The following PTPRD variants were observed in gnomAD, a reference collection of about 807,000 sequenced individuals.
PTPRD encodes the protein receptor-type tyrosine-protein phosphatase delta.
A neutral mutation model predicts 214.5 loss-of-function variants in PTPRD; 34 were observed. The observed-to-expected ratio is 0.16, with a 90% CI of 0.12 to 0.21. The LOEUF (loss-of-function observed/expected upper bound fraction) is 0.21. Among genes scored for constraint, PTPRD ranks in the 10% least tolerant of loss-of-function variants. The pLI is 1.00. For missense variants in PTPRD, 2,545 were observed against 2,398.7 expected, an observed-to-expected ratio of 1.06 and a Z score of -1.27; for synonymous variants, 1,128 against 845.7, an observed-to-expected ratio of 1.33 and a Z score of -5.79.
chr9:10,105,696 C>T (rs1211993514), intron 3 of PTPRD, among the ~76,000 whole-genome samples: 1 of 151,776 alleles, frequency 6.6e-6, no homozygotes, highest in Non-Finnish European at 1.5e-5. Context: ...GTCTGAATTA[C>T]TAACATGCTA....
rs368387935 is a variant in PTPRD, at chr9:10,285,227, G to C, written c.-545+55736C>G. ...TTATCACTTGCATACGATACTGTAA[G>C]AATACACTTTTTGTAAAACTTAGCA... On this transcript the variant is annotated intron_variant, in intron 3 of 45. Coordinates refer to ENST00000381196, the MANE Select transcript of PTPRD (RefSeq NM_002839.4). Among the ~76,000 whole-genome samples the C allele has an allele frequency of 7.7e-4, 117 of 152,192 alleles. 2 individuals carry two copies. In the South Asian group the frequency reaches 0.021, roughly 28 times the overall value.
rs541451724 is a variant in PTPRD, at chr9:10,117,698, C to G, written c.-544-83908G>C. On this transcript the variant is annotated intron_variant, in intron 3 of 45. Transcript: ENST00000381196. ...GATGATTTCACCTTGAGAAAAGACC[C>G]TATTTTCAGTTAAGGGCATTTTCAC... Among the ~76,000 whole-genome samples the G allele has an allele frequency of 1.4e-3, 217 of 151,018 alleles. 2 individuals are homozygous for G. Among genetic ancestry groups the G allele is most frequent in the Admixed American group, 5.9e-3 (89 of 15,076 alleles).
At chr9:10,077,622 A>C (rs1446928620) in intron 3 of PTPRD, among the ~76,000 whole-genome samples, 1 of 152,014 alleles carries the variant, frequency 6.6e-6, no homozygotes, top group Non-Finnish European at 1.5e-5. Context: ...CCAATAGGTA[A>C]TTTTTCAATC....
intron 7 of PTPRD, among the ~76,000 whole-genome samples, chr9:9,620,758 G>T (rs980277915): frequency 2.6e-5 from 4 of 151,738 alleles, no homozygotes; most frequent in African/African-American, 9.7e-5. Flanking sequence ...TTTCCTTAGA[G>T]TTTTTGAGAT....
intron 5 of PTPRD, among the ~76,000 whole-genome samples, chr9:9,875,948 C>T (rs1266603667): frequency 6.6e-6 from 1 of 152,044 alleles, no homozygotes; most frequent in Non-Finnish European, 1.5e-5. Flanking sequence ...ATGAGAGAGA[C>T]ATATGACTAC....
At chr9:9,668,206 G>T (rs981651000) in intron 7 of PTPRD, among the ~76,000 whole-genome samples, 1 of 152,060 alleles carries the variant, frequency 6.6e-6, no homozygotes, top group East Asian at 1.9e-4. Flanking sequence ...AAGCACAACC[G>T]ATAAAACGAA....
intron 2 of PTPRD, chr9:10,532,281 T>A (rs951527979): frequency 6.5e-6 from 1 of 154,282 alleles, no homozygotes; most frequent in Non-Finnish European, 1.4e-5. Flanking sequence ...AGGAAACTGG[T>A]AGGCCTCTGT....
chr9:8,581,879 C>T (rs1480924004), intron 14 of PTPRD, among the ~76,000 whole-genome samples: 1 of 122,740 alleles, frequency 8.1e-6, no homozygotes, highest in Non-Finnish European at 1.6e-5. Context: ...TGTCACTGCA[C>T]TCCAGCCTGG....
intron 3 of PTPRD, among the ~76,000 whole-genome samples, chr9:10,307,493 T>C (rs1037807189): frequency 1.3e-5 from 2 of 152,114 alleles, no homozygotes; most frequent in East Asian, 3.8e-4. Flanking sequence ...TTCATAGCTT[T>C]ACTATTGTAA....
At chr9:8,551,135 T>C (rs536826181) in intron 14 of PTPRD, among the ~76,000 whole-genome samples, 1 of 152,346 alleles carries the variant, frequency 6.6e-6, no homozygotes, top group African/African-American at 2.4e-5. Flanking sequence ...TTTATCTTTC[T>C]TCATAATTAT....
At chr9:10,072,311 T>TA (rs1214687441) in intron 3 of PTPRD, among the ~76,000 whole-genome samples, 1 of 151,888 alleles carries the variant, frequency 6.6e-6, no homozygotes, top group Non-Finnish European at 1.5e-5. Context: ...TAAAATAAAA[T>TA]AAAAAACTGA....
chr9:10,458,686 A>G (rs1588626917), intron 2 of PTPRD, among the ~76,000 whole-genome samples: 3 of 152,298 alleles, frequency 2.0e-5, no homozygotes, highest in Admixed American at 6.5e-5. Context: ...CTGAAGTACT[A>G]CAAAGAGTAG....
At chr9:8,490,069 T>G (rs1473927147) in intron 27 of PTPRD, among the ~76,000 whole-genome samples, 1 of 152,134 alleles carries the variant, frequency 6.6e-6, no homozygotes, top group Non-Finnish European at 1.5e-5. Flanking sequence ...ATGCCAGCTG[T>G]TGGTTCAATG....
chr9:9,734,256 A>G (rs2098252923), intron 7 of PTPRD, among the ~76,000 whole-genome samples: 1 of 152,092 alleles, frequency 6.6e-6, no homozygotes, highest in African/African-American at 2.4e-5. Flanking sequence ...TTCAGTGGGG[A>G]TTTAATTTCC....
chr9:8,401,243 C>T (rs1273083089), intron 36 of PTPRD, among the ~76,000 whole-genome samples: 2 of 151,654 alleles, frequency 1.3e-5, no homozygotes, highest in African/African-American at 2.4e-5. Context: ...CAGCTCACTG[C>T]AAACTCCACC....
chr9:9,293,272 T>A (rs1951810744), intron 9 of PTPRD, among the ~76,000 whole-genome samples: 1 of 151,582 alleles, frequency 6.6e-6, no homozygotes, highest in South Asian at 2.1e-4. Flanking sequence ...TATTTTATAC[T>A]TTGATAATTT....
chr9:9,036,960 G>C (rs1422613111), intron 10 of PTPRD, among the ~76,000 whole-genome samples: 1 of 152,150 alleles, frequency 6.6e-6, no homozygotes, highest in Non-Finnish European at 1.5e-5. Context: ...CCTTAAAAAT[G>C]AAAGTTAAAT....
At chr9:9,235,912 T>G (rs1228563781) in intron 9 of PTPRD, among the ~76,000 whole-genome samples, 1 of 152,190 alleles carries the variant, frequency 6.6e-6, no homozygotes, top group Non-Finnish European at 1.5e-5. Context: ...TTACCTTGCA[T>G]GTCTCCATGA....
At chr9:9,034,062 T>G (rs1412079542) in intron 10 of PTPRD, among the ~76,000 whole-genome samples, 3 of 152,132 alleles carry the variant, frequency 2.0e-5, no homozygotes, top group Non-Finnish European at 4.4e-5. Flanking sequence ...TAAATATTAC[T>G]CTTTAGCCAC....
Sources: allele counts gnomAD v4.1 joint callset (sites outside exome capture counted in the v4.1 genomes callset), GRCh38; gene constraint gnomAD v4.1.1; transcripts MANE v1.5; gene names NCBI Gene and HGNC (gene_info 2026-07-23, HGNC 2026-07-21).